The following ARFGEF1 variants were observed in gnomAD, a reference collection of about 807,000 sequenced individuals.
ARFGEF1 encodes the protein ARF guanine nucleotide exchange factor 1, also known as brefeldin A-inhibited guanine nucleotide-exchange protein 1.
In ARFGEF1, 42 loss-of-function variants were observed where a neutral mutation model predicts 231.0. The observed-to-expected ratio is 0.18, with a 90% CI of 0.14 to 0.24. The LOEUF (loss-of-function observed/expected upper bound fraction) is 0.24. ARFGEF1 is among the 10% of genes least tolerant of loss of function. ARFGEF1 has a pLI of 1.00. For missense variants in ARFGEF1, 1,345 were observed against 2,192.0 expected, an observed-to-expected ratio of 0.61 and a Z score of 7.72; for synonymous variants, 710 against 732.3, an observed-to-expected ratio of 0.97 and a Z score of 0.49.
At chr8:67,288,531 G>C (rs1805857015) in intron 6 of ARFGEF1, among the ~76,000 whole-genome samples, 1 of 152,106 alleles carries the variant, frequency 6.6e-6, no homozygotes, top group Non-Finnish European at 1.5e-5. Context: ...TGGGGAGTTG[G>C]AGACCAGCCT....
At chr8:67,245,713 G>A (rs975971854) in intron 19 of ARFGEF1, among the ~76,000 whole-genome samples, 7 of 150,038 alleles carry the variant, frequency 4.7e-5, no homozygotes, top group African/African-American at 1.0e-4. Flanking sequence ...ACAAAACAAC[G>A]AGAAAATAAC....
At chr8:67,213,952 AC>A (rs1390840699) in intron 33 of ARFGEF1, among the ~76,000 whole-genome samples, 3 of 152,228 alleles carry the variant, frequency 2.0e-5, no homozygotes, top group Non-Finnish European at 4.4e-5. Flanking sequence ...AGATTTTGAT[AC>A]CATGAAATGG....
chr8:67,322,673 C>G (rs539399658), intron 1 of ARFGEF1, among the ~76,000 whole-genome samples: 10 of 152,194 alleles, frequency 6.6e-5, no homozygotes, highest in Non-Finnish European at 1.5e-4. Context: ...CTGCTGCTCT[C>G]TAGCCTGGGC....
intron 27 of ARFGEF1, 61 bp downstream of exon 27, chr8:67,227,076 A>G: frequency 7.0e-7 from 1 of 1,435,684 alleles, no homozygotes; most frequent in Non-Finnish European, 9.4e-7. Flanking sequence ...TCATCTTCTG[A>G]ACACGTTAAG....
chr8:67,177,892 A>G (rs574968553), intron 5 of ARFGEF1, among the ~76,000 whole-genome samples: 4 of 152,220 alleles, frequency 2.6e-5, no homozygotes, highest in Non-Finnish European at 4.4e-5. Context: ...TGTAATATAT[A>G]TAGAAAACAT....
chr8:67,323,817 T>G (rs1244891620), intron 1 of ARFGEF1, among the ~76,000 whole-genome samples: 1 of 152,088 alleles, frequency 6.6e-6, no homozygotes, highest in East Asian at 1.9e-4. Flanking sequence ...TTTTTTTTTT[T>G]TGAGACAGAG....
At chr8:67,205,740 C>T (rs1838488131) in intron 34 of ARFGEF1, among the ~76,000 whole-genome samples, 2 of 152,054 alleles carry the variant, frequency 1.3e-5, no homozygotes, top group Admixed American at 6.5e-5. Flanking sequence ...CACTTGTAAT[C>T]CCAGCTACTC....
rs1220218103 is a variant in ARFGEF1, at chr8:67,187,007, ATCT to A, written c.561-11438_561-11436del. Among the ~76,000 whole-genome samples, 114 of 150,840 alleles carry A rather than the reference ATCT, an allele frequency of 7.6e-4. 1 individual carries two copies. The highest frequency in any genetic ancestry group is 2.5e-3 in the African/African-American group (104 of 41,080). ...TATCTATCTATCTATCTATCTATCT[ATCT>A]ATCTAATCTATCTATCTAGAACTGC... On this transcript the variant is annotated intron_variant, in intron 5 of 5. Transcript: ENST00000518789.
At chr8:67,213,843 A>C (rs1034429897) in intron 33 of ARFGEF1, among the ~76,000 whole-genome samples, 3 of 152,198 alleles carry the variant, frequency 2.0e-5, no homozygotes, top group Non-Finnish European at 4.4e-5. Flanking sequence ...CTGCCCTACA[A>C]AATTTCAAAC....
intron 5 of ARFGEF1, among the ~76,000 whole-genome samples, chr8:67,180,104 TG>T (rs1489001570): frequency 1.3e-5 from 2 of 152,108 alleles, no homozygotes; most frequent in African/African-American, 4.8e-5. Flanking sequence ...ATTACTGAAA[TG>T]AACTTTAAAA....
At chr8:67,240,840 C>T (rs184184679) in intron 19 of ARFGEF1, among the ~76,000 whole-genome samples, 19 of 152,276 alleles carry the variant, frequency 1.2e-4, no homozygotes, top group Admixed American at 3.3e-4. Flanking sequence ...AATACTTCCT[C>T]ATTATACACT....
intron 1 of ARFGEF1, among the ~76,000 whole-genome samples, chr8:67,310,627 G>C: frequency 6.6e-6 from 1 of 151,864 alleles, no homozygotes; most frequent in Non-Finnish European, 1.5e-5. Context: ...CCTCTTCCCG[G>C]CCACCATCAC....
intron 1 of ARFGEF1, among the ~76,000 whole-genome samples, chr8:67,313,172 G>A (rs1010975859): frequency 2.6e-5 from 4 of 152,182 alleles, no homozygotes; most frequent in African/African-American, 7.2e-5. Context: ...GAGCCAGGAA[G>A]ATCACTTGAG....
intron 17 of ARFGEF1, among the ~76,000 whole-genome samples, chr8:67,255,403 T>C (rs544435221): frequency 1.5e-3 from 225 of 152,256 alleles, no homozygotes; most frequent in African/African-American, 4.7e-3. Flanking sequence ...TACACAAAAA[T>C]TGTGTTCTAA....
chr8:67,257,709 A>C (rs748909085), intron 17 of ARFGEF1, 23 bp downstream of exon 17: 1 of 1,533,882 alleles, frequency 6.5e-7, no homozygotes, highest in South Asian at 1.2e-5. Flanking sequence ...CTTATTGTAA[A>C]ACTGACTTAA....
intron 1 of ARFGEF1, among the ~76,000 whole-genome samples, chr8:67,322,445 C>T (rs1302905508): frequency 6.6e-6 from 1 of 152,132 alleles, no homozygotes; most frequent in Non-Finnish European, 1.5e-5. Flanking sequence ...GCCTATAATC[C>T]CAACACTTTG....
intron 4 of ARFGEF1, 38 bp from the exon 5 acceptor site, chr8:67,296,648 C>A (rs1563897410): frequency 3.4e-6 from 5 of 1,486,682 alleles, no homozygotes; most frequent in Admixed American, 4.6e-5. Flanking sequence ...AAGAGATTTT[C>A]TTTTTCTTTT....
At chr8:67,340,742 A>G (rs1486416722) in intron 1 of ARFGEF1, among the ~76,000 whole-genome samples, 1 of 152,222 alleles carries the variant, frequency 6.6e-6, no homozygotes, top group Non-Finnish European at 1.5e-5. Flanking sequence ...TCAAGTAAAT[A>G]AAGTACTGTG....
At position 67,340,926 on chromosome 8, in the gene ARFGEF1, A is replaced by G. The variant is rs1236771831; in HGVS notation, c.124+2238T>C. Among the ~76,000 whole-genome samples, 4 of 152,210 alleles carry G rather than the reference A, an allele frequency of 2.6e-5. No individual in the cohort carries two copies. The East Asian group carries it at 7.7e-4, about 29-fold the overall frequency. ...AATGGCAAGGACCATTTAGAGCGCTATAGGCCCTCTAAAGATGATGCTCAT... is the reference window on the plus strand; with the variant it reads ...AATGGCAAGGACCATTTAGAGCGCTGTAGGCCCTCTAAAGATGATGCTCAT... On this transcript the variant is annotated intron_variant, in intron 1 of 38. Transcript: ENST00000262215.
Sources: allele counts gnomAD v4.1 joint callset (sites outside exome capture counted in the v4.1 genomes callset), GRCh38; gene constraint gnomAD v4.1.1; transcripts MANE v1.5; gene names NCBI Gene and HGNC (gene_info 2026-07-23, HGNC 2026-07-21).